Variants in ZNF292 observed in about 807,000 individuals in gnomAD.
ZNF292 encodes the protein 16 zinc-finger domain protein.
ZNF292 carries 26 observed loss-of-function variants against 217.9 expected under a neutral mutation model. That is an observed-to-expected ratio of 0.12 (90% confidence interval 0.09 to 0.17). The LOEUF is 0.17. Ranked by LOEUF, ZNF292 falls within the 10% of genes least tolerant of loss-of-function variation. The pLI is 1.00. For synonymous variants in ZNF292, 1,257 were observed against 1,124.1 expected, an observed-to-expected ratio of 1.12 and a Z score of -2.37; for missense variants, 2,904 against 3,175.2, an observed-to-expected ratio of 0.91 and a Z score of 2.05.
At chr6:87,162,722 T>G (rs1042085305) in intron 1 of ZNF292, among the ~76,000 whole-genome samples, 1 of 152,206 alleles carries the variant, frequency 6.6e-6, no homozygotes, top group African/African-American at 2.4e-5. Flanking sequence ...AAGAGAAGAT[T>G]TATTCTGCAG....
rs1316352912 is a variant in ZNF292, at chr6:87,243,480, A to C, written c.747A>C (p.Ser249=). The change falls in exon 6 of 8, where the codon TCA becomes TCC. Residue 249 remains serine (S), a synonymous_variant. Coordinates refer to ENST00000369577, the MANE Select transcript of ZNF292 (RefSeq NM_015021.3). The part of the protein sequence containing the change: ...SPNGKLIEEI[S]EVDCKDALEM... ...TCTATTGGCTTTTTCTTTAGATTTC[A>C]GAAGTTGATTGCAAAGATGCACTGG... 1 of 1,545,106 alleles carries C rather than the reference A, an allele frequency of 6.5e-7. No homozygotes were observed. Among genetic ancestry groups the C allele is most frequent in the Non-Finnish European group, 8.7e-7 (1 of 1,146,116 alleles).
chr6:87,160,547 C>G (rs1234112988), intron 1 of ZNF292, among the ~76,000 whole-genome samples: 2 of 148,366 alleles, frequency 1.3e-5, no homozygotes, highest in Admixed American at 1.3e-4. Context: ...TTAGATGTTA[C>G]AGAGGATATA....
chr6:87,169,200 C>T (rs1771013150), intron 1 of ZNF292, among the ~76,000 whole-genome samples: 1 of 151,968 alleles, frequency 6.6e-6, no homozygotes, highest in African/African-American at 2.4e-5. Context: ...GCCACCATGC[C>T]CAGCTAATTT....
intron 7 of ZNF292, among the ~76,000 whole-genome samples, chr6:87,253,014 C>T (rs568547928): frequency 6.6e-6 from 1 of 151,998 alleles, no homozygotes; most frequent in African/African-American, 2.4e-5. Context: ...TCAAGCAATC[C>T]TCCTGCCTCA....
At chr6:87,166,946 C>A (rs1487172408) in intron 1 of ZNF292, among the ~76,000 whole-genome samples, 1 of 152,014 alleles carries the variant, frequency 6.6e-6, no homozygotes, top group Non-Finnish European at 1.5e-5. Flanking sequence ...TTTTGATTTG[C>A]CCAAGGTCCC....
At chr6:87,208,069 A>G (rs1253326911) in intron 1 of ZNF292, among the ~76,000 whole-genome samples, 1 of 152,180 alleles carries the variant, frequency 6.6e-6, no homozygotes, top group Non-Finnish European at 1.5e-5. Flanking sequence ...TAATAGTTAC[A>G]ATCGTTGGAT....
At chr6:87,221,597 A>G (rs1251632123) in intron 4 of ZNF292, among the ~76,000 whole-genome samples, 1 of 152,146 alleles carries the variant, frequency 6.6e-6, no homozygotes, top group East Asian at 1.9e-4. Context: ...AGCAATTGAG[A>G]TTTTTAAAGA....
intron 4 of ZNF292, among the ~76,000 whole-genome samples, chr6:87,230,804 CATTT>C (rs1406967618): frequency 1.3e-5 from 2 of 151,170 alleles, no homozygotes; most frequent in African/African-American, 4.9e-5. Flanking sequence ...GGCTAAATAT[CATTT>C]ATTTATATTG....
chr6:87,228,484 C>T (rs1347095344), intron 4 of ZNF292, among the ~76,000 whole-genome samples: 4 of 152,110 alleles, frequency 2.6e-5, no homozygotes, highest in African/African-American at 9.7e-5. Flanking sequence ...CATTTGGTGT[C>T]ATAGCCAAGA....
intron 1 of ZNF292, among the ~76,000 whole-genome samples, chr6:87,169,117 A>G (rs1006870311): frequency 6.6e-6 from 1 of 151,852 alleles, no homozygotes; most frequent in Non-Finnish European, 1.5e-5. Flanking sequence ...ATCTCGGCTC[A>G]CTGCAGCCTC....
At chr6:87,243,657 A>C in intron 6 of ZNF292, 46 bp downstream of exon 6, 1 of 1,414,700 alleles carries the variant, frequency 7.1e-7, no homozygotes, top group Non-Finnish European at 9.3e-7. Flanking sequence ...TTAAATAAGA[A>C]TGCAAAATAG....
At position 87,256,019 on chromosome 6, in the gene ZNF292, A is replaced by G. The variant is rs1775189350; in HGVS notation, c.2390A>G (p.Tyr797Cys). ...ATTTTTTCGGAAGCTTATTTACTAT[A>G]TGATCATGAAGCACAACATTATAAT... The part of the protein sequence containing the change: ...GRIFSEAYLL[Y>C]DHEAQHYNTY... Residue 797 changes from tyrosine to cysteine, a missense_variant, in exon 8 of 8, where the codon TAT (tyrosine) becomes TGT (cysteine). Around this residue, in one of 15 missense-constraint regions of ZNF292, gnomAD observed 216 missense variants for 308.3 expected, o/e 0.70. Coordinates refer to ENST00000369577, the MANE Select transcript of ZNF292 (RefSeq NM_015021.3). 6.2e-7 allele frequency: 1 copy of G among 1,607,124 alleles called. No individual in the cohort carries two copies. Among genetic ancestry groups the G allele is most frequent in the African/African-American group, 1.3e-5 (1 of 74,878 alleles).
intron 1 of ZNF292, among the ~76,000 whole-genome samples, chr6:87,210,050 C>T (rs1213021174): frequency 6.6e-6 from 1 of 152,124 alleles, no homozygotes; most frequent in Non-Finnish European, 1.5e-5. Context: ...AACACCCCCG[C>T]GGTTTTATTT....
intron 1 of ZNF292, among the ~76,000 whole-genome samples, chr6:87,177,370 T>C (rs1327785821): frequency 5.3e-5 from 8 of 152,032 alleles, no homozygotes; most frequent in Non-Finnish European, 1.5e-5. Flanking sequence ...CATTTTTAGC[T>C]CCTCCTCTTA....
chr6:87,261,687 G>A lies in ZNF292; in HGVS notation c.8058G>A (p.Gln2686=). 1 of 1,612,928 alleles carries A rather than the reference G, an allele frequency of 6.2e-7. No individual in the cohort carries two copies. Among genetic ancestry groups the A allele is most frequent in the East Asian group, 2.2e-5 (1 of 44,836 alleles). Residue 2686 remains glutamine, a synonymous_variant, in exon 8 of 8, where the codon CAG becomes CAA. Transcript: ENST00000369577. Reference sequence around the variant, plus strand: ...CTGAGCTTGTCTTAAAGCAACTTCAGGAAATGAAACCTACCGTCAGTCTGA... The same window carrying A: ...CTGAGCTTGTCTTAAAGCAACTTCAAGAAATGAAACCTACCGTCAGTCTGA... The part of the protein sequence containing the change: ...DCTELVLKQL[Q]EMKPTVSLKK...
rs755416735 is a variant in ZNF292, at chr6:87,257,264, A to C, written c.3635A>C (p.Asn1212Thr). ...TTGTCCTCAATGGAAAGTGTCATAA[A>C]TCCAAATATAACTTCTCAGGATAAA... ...PLLSSMESVINPNITSQDKNE... is the reference protein window; with the variant it reads ...PLLSSMESVITPNITSQDKNE... The change falls in exon 8 of 8, where the codon AAT becomes ACT. Residue 1212 changes from asparagine to threonine, a missense_variant. Around this residue, in one of 15 missense-constraint regions of ZNF292, gnomAD observed 687 missense variants for 623.0 expected, o/e 1.10. Transcript: ENST00000369577. 54 of 1,613,638 alleles carry C rather than the reference A, an allele frequency of 3.3e-5. No homozygotes were observed. Among genetic ancestry groups the C allele is most frequent in the Non-Finnish European group, 4.4e-5 (52 of 1,179,812 alleles).
At position 87,258,220 on chromosome 6, in the gene ZNF292, C is replaced by G. The variant is rs776150989; in HGVS notation, c.4591C>G (p.Pro1531Ala). ...AGTAAATGCAACGGTGATGCCAAAT[C>G]CAACTGTACCACCCCTGTTGCACAC... Reference protein sequence around the residue: ...SQVNATVMPNPTVPPLLHTVC... With the variant: ...SQVNATVMPNATVPPLLHTVC... The change falls in exon 8 of 8, where the codon CCA (proline) becomes GCA (alanine). Residue 1531 changes from proline to alanine, a missense_variant. Pro to Ala is a conservative substitution (Grantham distance 27). This residue lies in a region of ZNF292 where 622 missense variants were observed against 573.1 expected (regional missense o/e 1.09). Coordinates refer to ENST00000369577, the MANE Select transcript of ZNF292 (RefSeq NM_015021.3). 2 of 1,612,226 alleles carry G rather than the reference C, an allele frequency of 1.2e-6. No homozygotes were observed. Among genetic ancestry groups the G allele is most frequent in the Admixed American group, 1.7e-5 (1 of 59,608 alleles).
intron 1 of ZNF292, among the ~76,000 whole-genome samples, chr6:87,186,138 AG>A (rs1211878788): frequency 6.6e-6 from 1 of 152,216 alleles, no homozygotes; most frequent in African/African-American, 2.4e-5. Context: ...TCTGATGTCC[AG>A]CCCCTGTCCT....
At chr6:87,203,015 A>C (rs1772138544) in intron 1 of ZNF292, among the ~76,000 whole-genome samples, 2 of 151,972 alleles carry the variant, frequency 1.3e-5, no homozygotes, top group South Asian at 4.1e-4. Context: ...GAGTCTTGGA[A>C]TTTATCCCCC....
Sources: allele counts gnomAD v4.1 joint callset (sites outside exome capture counted in the v4.1 genomes callset), GRCh38; gene constraint gnomAD v4.1.1; regional missense constraint gnomAD v4.1.1; transcripts MANE v1.5; gene names NCBI Gene and HGNC (gene_info 2026-07-23, HGNC 2026-07-21).